C7orf78: variants seen among roughly 807,000 people sequenced by gnomAD.
The protein encoded by C7orf78 is chromosome 7 open reading frame 78, also known as putative uncharacterized protein C7orf78.
At chr7:12,534,977 GGGAAGGAAGGAAGGAA>G in the C7orf78 span, among the ~76,000 whole-genome samples, 3 of 130,368 alleles carry the variant, frequency 2.3e-5, no homozygotes, top group African/African-American at 5.9e-5. Context: ...GAAGGAAGGA[GGGAAGGAAGGAAGGAA>G]GGAAGGAAGG....
the C7orf78 span, among the ~76,000 whole-genome samples, chr7:12,492,441 T>C: frequency 6.6e-6 from 1 of 152,234 alleles, no homozygotes; most frequent in South Asian, 2.1e-4. Context: ...TCAAATTTTA[T>C]GTTGAAACTG....
At chr7:12,483,545 T>G in the C7orf78 span, 1 of 152,110 alleles carries the variant, frequency 6.6e-6, no homozygotes, top group South Asian at 2.1e-4. Context: ...CATTGCTGAT[T>G]GGTTTCTAGC....
At chr7:12,486,491 C>T in the C7orf78 span, among the ~76,000 whole-genome samples, 33,996 of 151,678 alleles carry the variant, frequency 0.22, 4,785 homozygotes, top group East Asian at 0.52. Context: ...TTTATAGTTT[C>T]ATCAGTTTAT....
At chr7:12,497,464 G>A in the C7orf78 span, among the ~76,000 whole-genome samples, 4 of 78,756 alleles carry the variant, frequency 5.1e-5, no homozygotes, top group South Asian at 1.8e-3. Flanking sequence ...AAGGGGTGAC[G>A]GACGGCACCT....
At chr7:12,535,693 C>T in the C7orf78 span, among the ~76,000 whole-genome samples, 5 of 152,186 alleles carry the variant, frequency 3.3e-5, no homozygotes, top group Non-Finnish European at 5.9e-5. Context: ...GCCTATAAGG[C>T]TATAAAATCA....
chr7:12,521,643 G>GTTT, the C7orf78 span, among the ~76,000 whole-genome samples: 3 of 82,726 alleles, frequency 3.6e-5, no homozygotes, highest in East Asian at 4.0e-4. Flanking sequence ...TTGGGTTTGG[G>GTTT]CTTTTTTTTT....
At chr7:12,499,775 A>G in the C7orf78 span, among the ~76,000 whole-genome samples, 1 of 150,938 alleles carries the variant, frequency 6.6e-6, no homozygotes, top group Admixed American at 6.6e-5. Context: ...AACAGAATAT[A>G]CATTTTCTTC....
At chr7:12,516,550 G>A in the C7orf78 span, among the ~76,000 whole-genome samples, 1 of 152,174 alleles carries the variant, frequency 6.6e-6, no homozygotes, top group African/African-American at 2.4e-5. Context: ...TCCCAGAATG[G>A]TAGATCCACT....
chr7:12,483,951 C>T, the C7orf78 span: 1 of 150,976 alleles, frequency 6.6e-6, no homozygotes, highest in East Asian at 2.0e-4. Context: ...TACATTTCTT[C>T]AACAAATTGC....
chr7:12,526,893 T>G, the C7orf78 span, among the ~76,000 whole-genome samples: 2 of 151,952 alleles, frequency 1.3e-5, no homozygotes, highest in Non-Finnish European at 2.9e-5. Flanking sequence ...GTCACTCACT[T>G]TGGTAGAAAA....
the C7orf78 span, among the ~76,000 whole-genome samples, chr7:12,494,529 A>G: frequency 6.6e-6 from 1 of 152,262 alleles, no homozygotes; most frequent in African/African-American, 2.4e-5. Flanking sequence ...GACACAGACA[A>G]CCTCAGACTT....
At chr7:12,526,465 T>C in the C7orf78 span, among the ~76,000 whole-genome samples, 1 of 152,156 alleles carries the variant, frequency 6.6e-6, no homozygotes, top group African/African-American at 2.4e-5. Flanking sequence ...GGACAATATC[T>C]GAATGCTATA....
chr7:12,489,898 T>C, the C7orf78 span, among the ~76,000 whole-genome samples: 1 of 152,134 alleles, frequency 6.6e-6, no homozygotes, highest in Non-Finnish European at 1.5e-5. Flanking sequence ...CAATAGCTAG[T>C]GGATGTACAT....
chr7:12,501,481 A>C, the C7orf78 span, among the ~76,000 whole-genome samples: 1 of 152,034 alleles, frequency 6.6e-6, no homozygotes, highest in African/African-American at 2.4e-5. Context: ...CCCATTCACA[A>C]TTGCTTCAAA....
At chr7:12,532,090 G>A in the C7orf78 span, among the ~76,000 whole-genome samples, 7 of 152,276 alleles carry the variant, frequency 4.6e-5, no homozygotes, top group East Asian at 7.7e-4. Context: ...GCTGGCAAAG[G>A]GAAGGGAAGA....
chr7:12,493,664 C>A, the C7orf78 span, among the ~76,000 whole-genome samples: 1 of 152,182 alleles, frequency 6.6e-6, no homozygotes, highest in Non-Finnish European at 1.5e-5. Flanking sequence ...GCCTCCTGAC[C>A]CAGCTGCTTA....
At chr7:12,509,209 T>C in the C7orf78 span, among the ~76,000 whole-genome samples, 30 of 152,072 alleles carry the variant, frequency 2.0e-4, no homozygotes, top group African/African-American at 6.8e-4. Context: ...TTACCATGTT[T>C]GGAACTATAT....
chr7:12,532,466 T>C, the C7orf78 span, among the ~76,000 whole-genome samples: 2 of 151,750 alleles, frequency 1.3e-5, no homozygotes, highest in Non-Finnish European at 2.9e-5. Context: ...GGAGAATCAC[T>C]TGAACCTGGG....
the C7orf78 span, among the ~76,000 whole-genome samples, chr7:12,531,766 G>A: frequency 6.6e-6 from 1 of 152,126 alleles, no homozygotes; most frequent in Non-Finnish European, 1.5e-5. Context: ...GTTGTCTTGT[G>A]TTGAGAAAGA....
Sources: gnomAD v4.1 joint callset for allele counts (sites outside exome capture counted in the v4.1 genomes callset) on GRCh38, gnomAD v4.1.1 for gene constraint, MANE v1.5 for transcripts, NCBI Gene and HGNC (gene_info 2026-07-23, HGNC 2026-07-21) for gene names.